Variants in LMNTD1 observed in about 807,000 individuals in gnomAD.
LMNTD1 encodes lamin tail domain containing 1.
Under a neutral mutation model 50.9 loss-of-function variants are expected in LMNTD1, and 35 were observed. That is an observed-to-expected ratio of 0.69 (90% confidence interval 0.53 to 0.91). LMNTD1 has a LOEUF of 0.91. Among genes scored for constraint, LMNTD1 ranks in the 40% least tolerant of loss-of-function variants. LMNTD1 has a pLI of 0.00. For missense variants in LMNTD1, 470 were observed against 475.5 expected, an observed-to-expected ratio of 0.99 and a Z score of 0.11; for synonymous variants, 153 against 161.9, an observed-to-expected ratio of 0.94 and a Z score of 0.42.
At chr12:25,628,103 G>A (rs1196376183) in intron 1 of LMNTD1, among the ~76,000 whole-genome samples, 2 of 53,254 alleles carry the variant, frequency 3.8e-5, no homozygotes, top group Admixed American at 4.0e-4. Context: ...GTGAAACTCC[G>A]TCTCAAAAAA....
chr12:25,574,743 G>A (rs915237000), intron 1 of LMNTD1, among the ~76,000 whole-genome samples: 8 of 151,936 alleles, frequency 5.3e-5, no homozygotes, highest in African/African-American at 1.7e-4. Context: ...AGCTCCCTGC[G>A]GTCATGGATC....
chr12:25,641,578 G>T (rs899763302), intron 1 of LMNTD1, among the ~76,000 whole-genome samples: 2 of 152,126 alleles, frequency 1.3e-5, no homozygotes, highest in East Asian at 3.8e-4. Flanking sequence ...TCAATAAATG[G>T]AAGTTATGAT....
intron 1 of LMNTD1, among the ~76,000 whole-genome samples, chr12:25,565,164 A>C (rs963015962): frequency 6.6e-6 from 1 of 151,720 alleles, no homozygotes; most frequent in African/African-American, 2.4e-5. Context: ...TTTTGATTGG[A>C]GAGTTTAGTC....
Position 25,546,355 on chromosome 12 carries a change from G to C in LMNTD1, c.491+19C>G. 1 of 1,520,412 alleles carries C rather than the reference G, an allele frequency of 6.6e-7. No homozygotes were observed. Among genetic ancestry groups the C allele is most frequent in the African/African-American group, 1.4e-5 (1 of 71,962 alleles). 94.2% of individuals were successfully genotyped at this position (1,520,412 alleles called of 1,614,324 possible). ...CTACCCCGACAGAAGATACTAAGTAGTTCAAATAAAATATGTACCTGGAGG... is the reference window on the plus strand; with the variant it reads ...CTACCCCGACAGAAGATACTAAGTACTTCAAATAAAATATGTACCTGGAGG... On this transcript the variant is annotated intron_variant, in intron 4 of 9. Coordinates refer to ENST00000458174, the MANE Select transcript of LMNTD1 (RefSeq NM_001145728.2).
intron 9 of LMNTD1, among the ~76,000 whole-genome samples, chr12:25,486,318 G>T: frequency 6.6e-6 from 1 of 150,752 alleles, no homozygotes; most frequent in Non-Finnish European, 1.5e-5. Context: ...GTCTGTTGTT[G>T]GTGTATAAGA....
intron 7 of LMNTD1, among the ~76,000 whole-genome samples, chr12:25,519,586 T>TTAAAAA (rs781742784): frequency 4.0e-5 from 3 of 74,940 alleles, no homozygotes; most frequent in African/African-American, 6.5e-5. Flanking sequence ...AGACTCTGTC[T>TTAAAAA]CAAAAAAAAA....
Position 25,549,348 on chromosome 12 carries a change from A to G in LMNTD1, c.288T>C (p.Cys96=), listed in dbSNP as rs1365878049. The G allele has an allele frequency of 3.1e-6, 5 of 1,609,890 alleles. No homozygotes were observed. In the African/African-American group the frequency reaches 6.7e-5, roughly 22 times the overall value. The change falls in exon 3 of 10, where the codon TGT becomes TGC. Residue 96 remains cysteine (C), a synonymous_variant. Transcript: ENST00000458174. ...TACCCAAGCTGTTTTCCACTCTGGA[A>G]CAGCTACCTACAGTAGCTTTAGAAG... ...QLTSKATVGS[C]SRVENSLDAS...
At chr12:25,562,713 T>C (rs1944386865) in intron 1 of LMNTD1, among the ~76,000 whole-genome samples, 1 of 152,240 alleles carries the variant, frequency 6.6e-6, no homozygotes. Flanking sequence ...TTCTCCTGGA[T>C]AATATCCTGA....
At chr12:25,536,235 G>C (rs1369441245) in intron 4 of LMNTD1, among the ~76,000 whole-genome samples, 1 of 152,172 alleles carries the variant, frequency 6.6e-6, no homozygotes, top group Non-Finnish European at 1.5e-5. Context: ...TGACATGGTT[G>C]ACATGAAACA....
At chr12:25,620,672 T>C (rs928105774) in intron 1 of LMNTD1, among the ~76,000 whole-genome samples, 1 of 152,130 alleles carries the variant, frequency 6.6e-6, no homozygotes, top group Non-Finnish European at 1.5e-5. Context: ...TTTCTTTCCT[T>C]AGGTTGAACT....
intron 1 of LMNTD1, chr12:25,585,971 CGTTG>C (rs1457708439): frequency 6.6e-6 from 1 of 152,146 alleles, no homozygotes; most frequent in African/African-American, 2.4e-5. Context: ...TCATTGGTCC[CGTTG>C]GTGACAGTTA....
intron 1 of LMNTD1, among the ~76,000 whole-genome samples, chr12:25,645,454 C>A (rs7968217): frequency 6.6e-6 from 1 of 151,916 alleles, no homozygotes; most frequent in Non-Finnish European, 1.5e-5. Flanking sequence ...TGAAAGGTTA[C>A]GTTGCTCATA....
chr12:25,529,485 A>AT (rs1366466343), intron 4 of LMNTD1, among the ~76,000 whole-genome samples: 1 of 152,244 alleles, frequency 6.6e-6, no homozygotes, highest in African/African-American at 2.4e-5. Context: ...GAATTGCACC[A>AT]TTTACTCTGT....
intron 8 of LMNTD1, 56 bp downstream of exon 8, chr12:25,518,739 A>T (rs1940987315): frequency 6.8e-7 from 1 of 1,479,468 alleles, no homozygotes; most frequent in Non-Finnish European, 9.4e-7. Flanking sequence ...ACTAGTTAAC[A>T]CATGTGCATG....
intron 1 of LMNTD1, among the ~76,000 whole-genome samples, chr12:25,607,311 G>GT (rs772597785): frequency 7.1e-4 from 108 of 151,872 alleles, no homozygotes; most frequent in Non-Finnish European, 1.4e-3. Flanking sequence ...TTTTTGAAGG[G>GT]TTTTTTTGTG....
At chr12:25,501,411 T>C (rs1939382734) in intron 9 of LMNTD1, among the ~76,000 whole-genome samples, 2 of 152,198 alleles carry the variant, frequency 1.3e-5, no homozygotes, top group African/African-American at 4.8e-5. Context: ...CACTCCTCCT[T>C]TTGTGAATGA....
At chr12:25,540,388 G>A (rs1313333029) in intron 4 of LMNTD1, among the ~76,000 whole-genome samples, 11 of 88,478 alleles carry the variant, frequency 1.2e-4, no homozygotes, top group African/African-American at 4.2e-4. Context: ...TGATCAAGTG[G>A]GCTTCATCCC....
At chr12:25,517,153 T>C (rs2136018261) in intron 8 of LMNTD1, among the ~76,000 whole-genome samples, 1 of 58,668 alleles carries the variant, frequency 1.7e-5, no homozygotes, top group South Asian at 6.4e-4. Context: ...AGTGTGGCGA[T>C]TCCTCAGGGA....
intron 6 of LMNTD1, among the ~76,000 whole-genome samples, chr12:25,520,731 C>T (rs1941257742): frequency 6.6e-6 from 1 of 152,230 alleles, no homozygotes; most frequent in Non-Finnish European, 1.5e-5. Context: ...AGAGGGATTG[C>T]TGGGTTGTAT....
Sources: allele counts gnomAD v4.1 joint callset (sites outside exome capture counted in the v4.1 genomes callset), GRCh38; gene constraint gnomAD v4.1.1; transcripts MANE v1.5; gene names NCBI Gene and HGNC (gene_info 2026-07-23, HGNC 2026-07-21).